The following TRIM33 variants were observed in gnomAD, a reference collection of about 807,000 sequenced individuals.
TRIM33 encodes E3 ubiquitin-protein ligase TRIM33.
Under a neutral mutation model 125.4 loss-of-function variants are expected in TRIM33, and 20 were observed. The observed-to-expected ratio is 0.16, with a 90% CI of 0.11 to 0.23. TRIM33 has a LOEUF of 0.23. TRIM33 is among the 10% of genes least tolerant of loss of function. The pLI is 1.00. For synonymous variants in TRIM33, 564 were observed against 513.9 expected (o/e 1.10, Z -1.32); for missense variants, 920 against 1,411.4 (o/e 0.65, Z 5.58).
chr1:114,408,598 C>T (rs6672519), intron 13 of TRIM33, 79 bp downstream of exon 13: 292,464 of 912,022 alleles, frequency 0.32, 49,726 homozygotes, highest in African/African-American at 0.39. Context: ...AAGGGGTTCA[C>T]TGTAATATTC....
intron 4 of TRIM33, among the ~76,000 whole-genome samples, chr1:114,440,911 C>T (rs1192993817): frequency 6.6e-6 from 1 of 152,152 alleles, no homozygotes; most frequent in Non-Finnish European, 1.5e-5. Flanking sequence ...AATCACAACG[C>T]ACATTTTTAA....
At chr1:114,443,308 C>A (rs1648773426) in intron 4 of TRIM33, among the ~76,000 whole-genome samples, 1 of 152,104 alleles carries the variant, frequency 6.6e-6, no homozygotes, top group South Asian at 2.1e-4. Context: ...CGCTTGAACT[C>A]AAGAGGCAGA....
At position 114,448,938 on chromosome 1, in the gene TRIM33, G is replaced by C. The variant is rs2092510; in HGVS notation, c.923+14166C>G. On this transcript the variant is annotated intron_variant, in intron 4 of 19. Transcript: ENST00000358465. ...CAAGAACACTGGAAAGGAGGTCAAA[G>C]AACACAAAGACTAGAGTGTCTGAAG... Among the ~76,000 whole-genome samples the C allele has an allele frequency of 2.4e-3, 365 of 152,140 alleles. 1 individual carries two copies. The highest frequency in any genetic ancestry group is 0.017 in the Middle Eastern group (5 of 294).
chr1:114,414,027 G>GCTCACACACACA (rs1353374378), intron 11 of TRIM33, among the ~76,000 whole-genome samples: 1 of 130,588 alleles, frequency 7.7e-6, no homozygotes, highest in African/African-American at 3.0e-5. Flanking sequence ...TAAATCACAG[G>GCTCACACACACA]CACACACACA....
Position 114,421,627 on chromosome 1 carries a change from G to A in TRIM33, c.1870C>T (p.Pro624Ser). The change falls in exon 11 of 20, where the codon CCA becomes TCA. Residue 624 changes from proline (P) to serine (S), a missense_variant. Pro to Ser is a moderately conservative substitution (Grantham distance 74, BLOSUM62 -1). This residue lies in a region of TRIM33 where 407 missense variants were observed against 589.7 expected (regional missense o/e 0.69). Coordinates refer to ENST00000358465, the MANE Select transcript of TRIM33 (RefSeq NM_015906.4). ...QPHLQRQHSN[P>S]GHAGPFPVVS... ...ACGGGAAAGGGTCCAGCATGCCCTG[G>A]GTTTGAGTGCTAATAAGAAAGAAGA... The A allele has an allele frequency of 1.9e-6, 3 of 1,614,078 alleles. No homozygotes were observed. The highest frequency in any genetic ancestry group is 2.5e-6 in the Non-Finnish European group (3 of 1,179,992).
intron 17 of TRIM33, among the ~76,000 whole-genome samples, chr1:114,400,515 T>C (rs562943165): frequency 6.6e-6 from 1 of 152,350 alleles, no homozygotes; most frequent in Admixed American, 6.5e-5. Flanking sequence ...GAAGCTACTT[T>C]AATAGTCCAT....
chr1:114,446,391 T>G (rs1049728682), intron 4 of TRIM33, among the ~76,000 whole-genome samples: 3 of 152,190 alleles, frequency 2.0e-5, no homozygotes, highest in African/African-American at 4.8e-5. Context: ...TTTTTAAGTA[T>G]TGTATGTTAA....
At chr1:114,455,762 G>T (rs996516768) in intron 4 of TRIM33, among the ~76,000 whole-genome samples, 1 of 152,172 alleles carries the variant, frequency 6.6e-6, no homozygotes, top group Non-Finnish European at 1.5e-5. Context: ...TAACTATGCT[G>T]TATTTTACCC....
At chr1:114,493,630 G>A (rs1652199543) in intron 1 of TRIM33, among the ~76,000 whole-genome samples, 1 of 151,960 alleles carries the variant, frequency 6.6e-6, no homozygotes, top group African/African-American at 2.4e-5. Flanking sequence ...GTGAAGTAGG[G>A]GTATGACTTC....
chr1:114,417,279 G>A (rs1419857800), intron 11 of TRIM33, among the ~76,000 whole-genome samples: 1 of 152,156 alleles, frequency 6.6e-6, no homozygotes, highest in Non-Finnish European at 1.5e-5. Flanking sequence ...GGTAATGGTT[G>A]TACAATCTTG....
At chr1:114,456,573 T>C (rs11812026) in intron 4 of TRIM33, among the ~76,000 whole-genome samples, 3,926 of 152,256 alleles carry the variant, frequency 0.026, 87 homozygotes, top group Non-Finnish European at 0.034. Context: ...GGACTAATCT[T>C]GTGAATTTCT....
intron 4 of TRIM33, among the ~76,000 whole-genome samples, chr1:114,459,140 C>T (rs1649796442): frequency 6.6e-6 from 1 of 152,260 alleles, no homozygotes; most frequent in African/African-American, 2.4e-5. Flanking sequence ...AACAAAATGA[C>T]CAATGGCTGG....
chr1:114,489,044 T>C (rs1651890700), intron 1 of TRIM33, among the ~76,000 whole-genome samples: 1 of 152,150 alleles, frequency 6.6e-6, no homozygotes, highest in South Asian at 2.1e-4. Flanking sequence ...AGTGAGACCC[T>C]GTTTTTGTTG....
chr1:114,429,363 T>G (rs1487445752), intron 6 of TRIM33, among the ~76,000 whole-genome samples: 2 of 151,868 alleles, frequency 1.3e-5, no homozygotes, highest in South Asian at 2.1e-4. Flanking sequence ...AATTTTTGTT[T>G]TTTTTTTTTA....
chr1:114,453,018 G>C (rs573105936), intron 4 of TRIM33, among the ~76,000 whole-genome samples: 3 of 152,288 alleles, frequency 2.0e-5, no homozygotes, highest in African/African-American at 7.2e-5. Flanking sequence ...GAGCGAGGAA[G>C]AGGGGGTGTT....
At chr1:114,492,683 C>G (rs1195563508) in intron 1 of TRIM33, among the ~76,000 whole-genome samples, 2 of 152,052 alleles carry the variant, frequency 1.3e-5, no homozygotes, top group African/African-American at 4.8e-5. Context: ...TATATTTGCC[C>G]TCTTATGTCT....
At chr1:114,500,336 T>C (rs2101566989) in intron 1 of TRIM33, among the ~76,000 whole-genome samples, 1 of 152,278 alleles carries the variant, frequency 6.6e-6, no homozygotes, top group Middle Eastern at 3.4e-3. Flanking sequence ...TTCTGTTCTT[T>C]TTTAAAGAGA....
chr1:114,415,827 C>T (rs1335632211), intron 11 of TRIM33, among the ~76,000 whole-genome samples: 1 of 151,748 alleles, frequency 6.6e-6, no homozygotes, highest in Middle Eastern at 3.2e-3. Context: ...TGGTGCACGC[C>T]CATAGTCCCA....
chr1:114,428,541 T>C (rs973604143), intron 6 of TRIM33, among the ~76,000 whole-genome samples: 3 of 152,200 alleles, frequency 2.0e-5, no homozygotes, highest in Non-Finnish European at 4.4e-5. Context: ...CTACATACTT[T>C]TGACATTCAG....
Sources: gnomAD v4.1 joint callset for allele counts (sites outside exome capture counted in the v4.1 genomes callset) on GRCh38, gnomAD v4.1.1 for gene constraint, gnomAD v4.1.1 regional missense constraint, MANE v1.5 for transcripts, NCBI Gene and HGNC (gene_info 2026-07-23, HGNC 2026-07-21) for gene names.